The following PELI2 variants were observed in gnomAD, a reference collection of about 807,000 sequenced individuals.
The protein encoded by PELI2 is E3 ubiquitin-protein ligase pellino homolog 2.
PELI2 carries 23 observed loss-of-function variants against 42.3 expected under a neutral mutation model. The ratio of observed to expected loss-of-function variants is 0.54; its 90% CI spans 0.39 to 0.77. PELI2 has a LOEUF of 0.77. Among genes scored for constraint, PELI2 ranks in the 30% least tolerant of loss-of-function variants. The pLI, the probability that PELI2 is intolerant of heterozygous loss-of-function variation, is 0.00. For synonymous variants in PELI2, 245 were observed against 212.2 expected (o/e 1.15, Z -1.34); for missense variants, 463 against 553.2 (o/e 0.84, Z 1.64).
chr14:56,187,891 C>G (rs1389215910), intron 2 of PELI2, among the ~76,000 whole-genome samples: 1 of 152,224 alleles, frequency 6.6e-6, no homozygotes, highest in African/African-American at 2.4e-5. Flanking sequence ...CAGGTGAGCC[C>G]TGCAGGATCG....
intron 1 of PELI2, among the ~76,000 whole-genome samples, chr14:56,162,434 A>G (rs1594598384): frequency 6.6e-6 from 1 of 152,274 alleles, no homozygotes; most frequent in East Asian, 1.9e-4. Flanking sequence ...ATTGTTGCAA[A>G]TAACTGGATC....
chr14:56,188,468 A>G (rs2139683593), intron 2 of PELI2, among the ~76,000 whole-genome samples: 1 of 152,286 alleles, frequency 6.6e-6, no homozygotes, highest in Middle Eastern at 3.4e-3. Context: ...ATGTTACGAC[A>G]TTTCCCTGTA....
chr14:56,128,274 T>C (rs988336305), intron 1 of PELI2, among the ~76,000 whole-genome samples: 6 of 152,226 alleles, frequency 3.9e-5, no homozygotes, highest in African/African-American at 1.4e-4. Flanking sequence ...GCAAGACAGA[T>C]GACTTAGCAA....
chr14:56,146,129 C>T (rs796602783), intron 1 of PELI2, among the ~76,000 whole-genome samples: 29 of 152,272 alleles, frequency 1.9e-4, no homozygotes, highest in African/African-American at 6.7e-4. Flanking sequence ...ACCTCTCCTG[C>T]GTGGGATGAC....
intron 2 of PELI2, among the ~76,000 whole-genome samples, chr14:56,198,564 A>G (rs554806254): frequency 7.2e-5 from 11 of 152,316 alleles, no homozygotes; most frequent in Admixed American, 5.9e-4. Flanking sequence ...GGCTAAGGCA[A>G]ATCTGATGGA....
At position 56,170,268 on chromosome 14, in the gene PELI2, G is replaced by A. The variant is rs1049000098; in HGVS notation, c.78-8067G>A. On this transcript the variant is annotated intron_variant, in intron 1 of 5. Transcript: ENST00000267460. ...AACCTCCACTTCTGGAGCCCACATC[G>A]CTTCCATTCCATGTGGATGTCGCTG... Among the ~76,000 whole-genome samples, 11 of 152,322 alleles carry A rather than the reference G, an allele frequency of 7.2e-5. No individual in the cohort carries two copies. In the East Asian group the frequency reaches 1.5e-3, roughly 21 times the overall value.
Position 56,235,292 on chromosome 14 carries a change from A to T in PELI2, c.208-44384A>T, listed in dbSNP as rs546500641. On this transcript the variant is annotated intron_variant, in intron 2 of 5. Transcript: ENST00000267460. ...AAGTAAATAATACAAAGGCCTAAAG[A>T]AAAAAGATTATTATAACTACAATGT... Among the ~76,000 whole-genome samples the T allele has an allele frequency of 3.0e-4, 46 of 152,362 alleles. No individual in the cohort carries two copies. In the South Asian group the frequency reaches 9.3e-3, roughly 31 times the overall value.
At chr14:56,159,407 G>A (rs895307027) in intron 1 of PELI2, among the ~76,000 whole-genome samples, 34 of 152,314 alleles carry the variant, frequency 2.2e-4, no homozygotes, top group African/African-American at 7.0e-4. Context: ...TCATGCCAAA[G>A]CAAGTCACAT....
chr14:56,266,795 T>C (rs749218864), intron 2 of PELI2, among the ~76,000 whole-genome samples: 8 of 152,106 alleles, frequency 5.3e-5, no homozygotes, highest in Non-Finnish European at 1.2e-4. Context: ...TCTGCATATT[T>C]GTTGCAGTAC....
At chr14:56,155,857 T>A (rs1343848790) in intron 1 of PELI2, among the ~76,000 whole-genome samples, 1 of 152,200 alleles carries the variant, frequency 6.6e-6, no homozygotes, top group East Asian at 1.9e-4. Context: ...GTGCTGGGAT[T>A]ACAGGCGTGA....
chr14:56,243,078 T>G (rs1006120659), intron 2 of PELI2, among the ~76,000 whole-genome samples: 1 of 151,924 alleles, frequency 6.6e-6, no homozygotes, highest in African/African-American at 2.4e-5. Context: ...GAATTTGATT[T>G]CCAGATATTT....
At chr14:56,229,120 C>T (rs1211568629) in intron 2 of PELI2, among the ~76,000 whole-genome samples, 2 of 152,210 alleles carry the variant, frequency 1.3e-5, no homozygotes, top group Non-Finnish European at 2.9e-5. Context: ...TGGGAGGAGC[C>T]CACCGCAGGA....
chr14:56,231,925 A>G (rs1219109207), intron 2 of PELI2, among the ~76,000 whole-genome samples: 1 of 152,164 alleles, frequency 6.6e-6, no homozygotes, highest in African/African-American at 2.4e-5. Flanking sequence ...GATAAAGGGG[A>G]TATCACCACC....
intron 2 of PELI2, among the ~76,000 whole-genome samples, chr14:56,271,127 C>A (rs577895965): frequency 1.4e-3 from 220 of 152,302 alleles, no homozygotes; most frequent in Non-Finnish European, 1.6e-3. Context: ...ACGTTTGATA[C>A]CCTCTAGTCC....
At chr14:56,140,056 T>G (rs1211333961) in intron 1 of PELI2, among the ~76,000 whole-genome samples, 1 of 151,958 alleles carries the variant, frequency 6.6e-6, no homozygotes, top group African/African-American at 2.4e-5. Flanking sequence ...TGTTAACGTC[T>G]TAGCACATGT....
intron 2 of PELI2, among the ~76,000 whole-genome samples, chr14:56,225,948 A>G (rs3783676): frequency 0.4 from 60,790 of 151,902 alleles, 12,962 homozygotes; most frequent in South Asian, 0.52. Flanking sequence ...ATACTGTGAA[A>G]CCTGGATTTG....
rs555605752 is a variant in PELI2, at chr14:56,247,012, C to T, written c.208-32664C>T. ...TTTTACGTTGTTGGTCTACTGCTTA[C>T]TTTCTGTACCTAAATAAAATACAGA... On this transcript the variant is annotated intron_variant, in intron 2 of 5. Transcript: ENST00000267460. 2.0e-5 allele frequency among the ~76,000 whole-genome samples: 3 copies of T among 152,268 alleles called. No individual in the cohort carries two copies. In the East Asian group the frequency reaches 5.8e-4, roughly 29 times the overall value.
At chr14:56,163,980 T>C (rs898928082) in intron 1 of PELI2, among the ~76,000 whole-genome samples, 3 of 152,196 alleles carry the variant, frequency 2.0e-5, no homozygotes, top group Non-Finnish European at 2.9e-5. Context: ...TTTCCAAATA[T>C]AAGATTATAT....
intron 1 of PELI2, among the ~76,000 whole-genome samples, chr14:56,160,216 T>A (rs1274309111): frequency 6.6e-6 from 1 of 152,132 alleles, no homozygotes; most frequent in Non-Finnish European, 1.5e-5. Context: ...AGGCCTCCTG[T>A]GAGCTAGTTA....
Sources: allele counts gnomAD v4.1 joint callset (sites outside exome capture counted in the v4.1 genomes callset), GRCh38; gene constraint gnomAD v4.1.1; transcripts MANE v1.5; gene names NCBI Gene and HGNC (gene_info 2026-07-23, HGNC 2026-07-21).